The following ACAD9 variants were observed in gnomAD, a reference collection of about 807,000 sequenced individuals.
ACAD9 encodes complex I assembly factor ACAD9, mitochondrial.
Under a neutral mutation model 70.2 loss-of-function variants are expected in ACAD9, and 53 were observed. That is an observed-to-expected ratio of 0.75 (90% confidence interval 0.61 to 0.95). The LOEUF (loss-of-function observed/expected upper bound fraction) is 0.95, where lower values mean the gene tolerates loss of function less well. Among genes scored for constraint, ACAD9 ranks in the 40% least tolerant of loss-of-function variants. The pLI is 0.00. For synonymous variants in ACAD9, 313 were observed against 312.1 expected (o/e 1.00, Z -0.03); for missense variants, 777 against 802.8 (o/e 0.97, Z 0.39).
intron 2 of ACAD9, among the ~76,000 whole-genome samples, chr3:128,889,670 G>A (rs1935360956): frequency 6.6e-6 from 1 of 152,182 alleles, no homozygotes; most frequent in South Asian, 2.1e-4. Flanking sequence ...CATGGTGCAT[G>A]TATTGGTAGT....
At chr3:128,910,883 C>G in intron 17 of ACAD9, 70 bp downstream of exon 17, 1 of 1,559,412 alleles carries the variant, frequency 6.4e-7, no homozygotes, top group Middle Eastern at 1.8e-4. Context: ...TGAGCTGTTT[C>G]TGGACCCTGT....
In ACAD9 at chr3:128,879,769, C is replaced by A. The variant is rs1264109871; in HGVS notation, c.78C>A (p.Asn26Lys). ...GGGGTCTGGTGGTCTCTACCGCGAA[C>A]CGGCGGCTACTGCGCACCAGCCCGC... ...ACRGLVVSTA[N>K]RRLLRTSPPV... Residue 26 changes from asparagine (N) to lysine (K), a missense_variant, in exon 1 of 18, where the codon AAC becomes AAA. Coordinates refer to ENST00000308982, the MANE Select transcript of ACAD9 (RefSeq NM_014049.5). The A allele has an allele frequency of 1.2e-6, 2 of 1,613,658 alleles. No homozygotes were observed. Among genetic ancestry groups the A allele is most frequent in the Admixed American group, 3.3e-5 (2 of 60,026 alleles).
At position 128,899,362 on chromosome 3, in the gene ACAD9, T is replaced by C. The variant is rs374605123; in HGVS notation, c.709T>C (p.Ser237Pro). 2 of 1,614,148 alleles carry C rather than the reference T, an allele frequency of 1.2e-6. No individual in the cohort carries two copies. The highest frequency in any genetic ancestry group is 2.7e-5 in the African/African-American group (2 of 74,950). Reference sequence around the variant, plus strand: ...GACTGAGGTCGTTGATTCTGATGGATCAGTGAAAGACAAAATCACAGCATT... The same window carrying C: ...GACTGAGGTCGTTGATTCTGATGGACCAGTGAAAGACAAAATCACAGCATT... The part of the protein sequence containing the change: ...AKTEVVDSDG[S>P]VKDKITAFIV... Residue 237 changes from serine to proline, a missense_variant, in exon 7 of 18, where the codon TCA becomes CCA. Ser to Pro is a moderately conservative substitution (Grantham distance 74, BLOSUM62 -1). Transcript: ENST00000308982.
intron 2 of ACAD9, among the ~76,000 whole-genome samples, chr3:128,889,395 G>A (rs1935347810): frequency 1.3e-5 from 2 of 152,112 alleles, no homozygotes; most frequent in African/African-American, 4.8e-5. Flanking sequence ...CCTAGGTTGT[G>A]TAAGTCCATT....
At chr3:128,901,240 A>G in intron 7 of ACAD9, 36 bp from the exon 8 acceptor site, 4 of 1,603,030 alleles carry the variant, frequency 2.5e-6, no homozygotes, top group Middle Eastern at 1.7e-4. Context: ...AGTGGTTTGC[A>G]TTGTCAGATG....
Position 128,912,882 on chromosome 3 carries a change from T to G in ACAD9, c.*275T>G, listed in dbSNP as rs1936503065. On this transcript the variant is annotated 3_prime_UTR_variant, in exon 18 of 18. Coordinates refer to ENST00000308982, the MANE Select transcript of ACAD9 (RefSeq NM_014049.5). ...TGGAACTGGCGGGTATTCTGGTCATTGAGGAGACACCATAGTGGAAACTGG... is the reference window on the plus strand; with the variant it reads ...TGGAACTGGCGGGTATTCTGGTCATGGAGGAGACACCATAGTGGAAACTGG... The G allele has an allele frequency of 1.7e-6, 1 of 604,358 alleles. No individual in the cohort carries two copies. The highest frequency in any genetic ancestry group is 1.4e-5 in the South Asian group (1 of 72,038). 37.4% of individuals were successfully genotyped at this position (604,358 alleles called of 1,614,324 possible). A position where few individuals can be genotyped will look rare whatever the true frequency, so the allele number is the denominator to read the frequency against.
chr3:128,886,028 T>A (rs975139279), intron 2 of ACAD9, among the ~76,000 whole-genome samples: 15 of 147,518 alleles, frequency 1.0e-4, no homozygotes, highest in East Asian at 6.1e-4. Flanking sequence ...AAAAAAAAAA[T>A]AAAATATACT....
At position 128,904,131 on chromosome 3, in the gene ACAD9, A is replaced by AG. The variant is rs2107657797; in HGVS notation, c.1029+1dup. On this transcript the variant is annotated frameshift_variant and splice_region_variant, in exon 10 of 18. Transcript: ENST00000308982. LOFTEE classifies it high-confidence loss of function. ...AGGCTCAGTGAATTTGGATTGATTCAGGTACCAATGGTTGAGTACTGTATT... is the reference window on the plus strand; with the variant it reads ...AGGCTCAGTGAATTTGGATTGATTCAGGGTACCAATGGTTGAGTACTGTATT... 2 of 1,614,104 alleles carry AG rather than the reference A, an allele frequency of 1.2e-6. No homozygotes were observed. Among genetic ancestry groups the AG allele is most frequent in the Non-Finnish European group, 1.7e-6 (2 of 1,179,898 alleles).
chr3:128,893,325 G>T (rs1935476289), intron 2 of ACAD9, among the ~76,000 whole-genome samples: 1 of 152,100 alleles, frequency 6.6e-6, no homozygotes, highest in Admixed American at 6.6e-5. Context: ...CTCCAGCCTG[G>T]ATATCAGAGT....
intron 16 of ACAD9, 156 bp downstream of exon 16, chr3:128,910,305 G>A (rs1266571861): frequency 3.3e-5 from 49 of 1,495,990 alleles, no homozygotes; most frequent in Non-Finnish European, 4.1e-5. Context: ...CTGCTCAGGA[G>A]ATGGGGCTGT....
chr3:128,906,114 C>G lies in ACAD9; in HGVS notation c.1150-7C>G. Reference sequence around the variant, plus strand: ...TTTTGGAAAGGATTCAGTGTGACACCCCACAGGTGTTCAGCTCCGAGGCCG... The same window carrying G: ...TTTTGGAAAGGATTCAGTGTGACACGCCACAGGTGTTCAGCTCCGAGGCCG... On this transcript the variant is annotated splice_polypyrimidine_tract_variant and splice_region_variant and intron_variant, in intron 11 of 17. Transcript: ENST00000308982. 6.2e-7 allele frequency: 1 copy of G among 1,614,182 alleles called. No individual in the cohort carries two copies. The highest frequency in any genetic ancestry group is 8.5e-7 in the Non-Finnish European group (1 of 1,180,034).
intron 2 of ACAD9, 104 bp from the exon 3 acceptor site, chr3:128,893,451 C>G: frequency 1.1e-6 from 1 of 941,646 alleles, no homozygotes; most frequent in Non-Finnish European, 1.6e-6. Context: ...GAAAAAGTTT[C>G]TACTCTGGGA....
At chr3:128,900,655 AC>A (rs1935711523) in intron 7 of ACAD9, among the ~76,000 whole-genome samples, 1 of 151,288 alleles carries the variant, frequency 6.6e-6, no homozygotes, top group South Asian at 2.1e-4. Flanking sequence ...GAGCCACCAT[AC>A]CCGACTGACC....
At chr3:128,885,109 T>C (rs1418471046) in intron 2 of ACAD9, among the ~76,000 whole-genome samples, 2 of 152,266 alleles carry the variant, frequency 1.3e-5, no homozygotes, top group Non-Finnish European at 2.9e-5. Context: ...ACAGTTGCTC[T>C]TAGTGTTTCT....
At position 128,912,540 on chromosome 3, in the gene ACAD9, A is replaced by G. The variant is rs1480802171; in HGVS notation, c.1799A>G (p.Lys600Arg). 2 of 1,613,946 alleles carry G rather than the reference A, an allele frequency of 1.2e-6. No individual in the cohort carries two copies. Among genetic ancestry groups the G allele is most frequent in the Middle Eastern group, 1.6e-4 (1 of 6,084 alleles). The part of the protein sequence containing the change: ...APENLDEQIK[K>R]VSQQILEKRA... ...GAAAACCTAGATGAGCAGATTAAGA[A>G]AGTGTCCCAGCAGATCCTTGAGAAG... is the stretch of plus-strand genomic sequence containing the variant. The change falls in exon 18 of 18, where the codon AAA becomes AGA. Residue 600 changes from lysine to arginine, a missense_variant. Physicochemically the swap from Lys to Arg is conservative, Grantham distance 26. Coordinates refer to ENST00000308982, the MANE Select transcript of ACAD9 (RefSeq NM_014049.5).
Position 128,902,779 on chromosome 3 carries a change from A to G in ACAD9, c.958+151A>G. 4.6e-6 allele frequency: 4 copies of G among 869,374 alleles called. No homozygotes were observed. The highest frequency in any genetic ancestry group is 7.5e-6 in the Non-Finnish European group (4 of 532,728). The allele number at this position is 869,374 out of a possible 1,614,324, so 53.9% of individuals were successfully genotyped here. On this transcript the variant is annotated intron_variant, in intron 9 of 17. Transcript: ENST00000308982. This position sits in a 1 kb window ranked among gnomAD's most constrained non-coding sequence, Gnocchi z 4.0. ...CAGTCCCTGGGCTTTTGTGGAGACC[A>G]GAGGGTCTCCTCAGCCTGCCCCTGA...
intron 6 of ACAD9, 59 bp downstream of exon 6, chr3:128,897,769 A>G (rs1935608272): frequency 1.4e-6 from 2 of 1,467,122 alleles, no homozygotes; most frequent in African/African-American, 2.8e-5. Context: ...ACTGCCACTG[A>G]GTGAGCACTC....
intron 9 of ACAD9, among the ~76,000 whole-genome samples, chr3:128,903,386 C>T (rs1935798087): frequency 6.6e-6 from 1 of 152,228 alleles, no homozygotes; most frequent in African/African-American, 2.4e-5. Flanking sequence ...AGGCTCCAGG[C>T]TCAGGGCTCT....
intron 6 of ACAD9, chr3:128,898,292 AT>A: frequency 2.7e-6 from 1 of 377,246 alleles, no homozygotes; most frequent in South Asian, 2.0e-5. Flanking sequence ...CCACCTCCAG[AT>A]CGCATGGTAA....
Sources: allele counts gnomAD v4.1 joint callset (sites outside exome capture counted in the v4.1 genomes callset), GRCh38; gene constraint gnomAD v4.1.1; non-coding constraint Gnocchi (gnomAD v3.1); transcripts MANE v1.5; gene names NCBI Gene and HGNC (gene_info 2026-07-23, HGNC 2026-07-21).